Variants in PPARGC1A observed in about 807,000 individuals in gnomAD.
The protein encoded by PPARGC1A is PPARG coactivator 1 alpha, also known as peroxisome proliferator-activated receptor gamma coactivator 1-alpha.
Under a neutral mutation model 88.7 loss-of-function variants are expected in PPARGC1A, and 25 were observed. The observed-to-expected ratio is 0.28, with a 90% CI of 0.21 to 0.39. PPARGC1A has a LOEUF of 0.39. PPARGC1A is among the 10% of genes least tolerant of loss of function. The probability of loss-of-function intolerance (pLI) is 1.00; values close to 1 mark genes in which losing one functional copy is unlikely to be tolerated. For missense variants in PPARGC1A, 880 were observed against 968.7 expected (o/e 0.91, Z 1.22); for synonymous variants, 363 against 355.6 (o/e 1.02, Z -0.24).
chr4:24,198,528 C>T, the PPARGC1A span, among the ~76,000 whole-genome samples: 1 of 152,184 alleles, frequency 6.6e-6, no homozygotes, highest in African/African-American at 2.4e-5. Flanking sequence ...CTCTCTGAGA[C>T]ACCTTTCCTC....
the PPARGC1A span, among the ~76,000 whole-genome samples, chr4:24,141,104 T>C: frequency 6.6e-6 from 1 of 152,290 alleles, no homozygotes; most frequent in South Asian, 2.1e-4. Context: ...TCAGGATCCC[T>C]AGAGCTGTGA....
chr4:24,405,894 C>A, the PPARGC1A span, among the ~76,000 whole-genome samples: 6 of 151,802 alleles, frequency 4.0e-5, no homozygotes, highest in Non-Finnish European at 5.9e-5. Flanking sequence ...TCCTCCTTTC[C>A]TTTCTTCTTT....
At chr4:23,840,618 T>A (rs947787060) in intron 2 of PPARGC1A, among the ~76,000 whole-genome samples, 1 of 152,130 alleles carries the variant, frequency 6.6e-6, no homozygotes, top group Non-Finnish European at 1.5e-5. Flanking sequence ...ACATATGTTT[T>A]AGTGATTTAT....
chr4:24,387,832 G>GAGAGAA, the PPARGC1A span, among the ~76,000 whole-genome samples: 1 of 100,450 alleles, frequency 1.0e-5, no homozygotes, highest in Non-Finnish European at 2.4e-5. Flanking sequence ...AAGAGAGAAA[G>GAGAGAA]AGAGAAAGAG....
At chr4:24,423,874 T>G in the PPARGC1A span, among the ~76,000 whole-genome samples, 31 of 152,304 alleles carry the variant, frequency 2.0e-4, no homozygotes, top group East Asian at 5.6e-3. Context: ...GACTGTGACC[T>G]TGGCTCAACT....
chr4:23,909,606 A>G, the PPARGC1A span, among the ~76,000 whole-genome samples: 1 of 151,878 alleles, frequency 6.6e-6, no homozygotes, highest in Non-Finnish European at 1.5e-5. Context: ...GACAGGCAGA[A>G]GGAGGAGGGA....
At chr4:23,857,360 C>CGT (rs1255210454) in intron 2 of PPARGC1A, among the ~76,000 whole-genome samples, 7 of 104,854 alleles carry the variant, frequency 6.7e-5, no homozygotes, top group East Asian at 3.1e-4. Context: ...TTAGTATGTG[C>CGT]GTGTGTGTGT....
chr4:23,799,472 G>A (rs1342110144), intron 12 of PPARGC1A, among the ~76,000 whole-genome samples: 1 of 152,166 alleles, frequency 6.6e-6, no homozygotes, highest in Non-Finnish European at 1.5e-5. Flanking sequence ...TTGCCCAACG[G>A]CAGTGGTAAG....
At chr4:24,074,889 T>G in the PPARGC1A span, among the ~76,000 whole-genome samples, 4 of 152,164 alleles carry the variant, frequency 2.6e-5, no homozygotes, top group African/African-American at 9.7e-5. Context: ...ACACCTGCTC[T>G]AAGTGGCAGA....
intron 2 of PPARGC1A, among the ~76,000 whole-genome samples, chr4:23,875,482 G>A (rs182459728): frequency 2.0e-5 from 3 of 151,326 alleles, no homozygotes; most frequent in African/African-American, 7.3e-5. Context: ...AGGTGTTGTC[G>A]GTCTGTCTAG....
intron 2 of PPARGC1A, among the ~76,000 whole-genome samples, chr4:23,847,131 T>C (rs998841837): frequency 1.3e-5 from 2 of 152,186 alleles, no homozygotes; most frequent in Non-Finnish European, 2.9e-5. Flanking sequence ...GGTGAGATTC[T>C]AATAGAAGCC....
At chr4:24,185,814 A>T in the PPARGC1A span, among the ~76,000 whole-genome samples, 2,157 of 120,570 alleles carry the variant, frequency 0.018, 25 homozygotes, top group Middle Eastern at 0.029. Context: ...CAGTCCCCAG[A>T]GTGTGATATT....
At chr4:23,846,670 T>C (rs1251337655) in intron 2 of PPARGC1A, among the ~76,000 whole-genome samples, 2 of 152,150 alleles carry the variant, frequency 1.3e-5, no homozygotes. Context: ...GCACCTAGCA[T>C]GTGTCGGACA....
intron 2 of PPARGC1A, among the ~76,000 whole-genome samples, chr4:23,855,612 G>T (rs10002590): frequency 6.6e-6 from 1 of 152,000 alleles, no homozygotes; most frequent in East Asian, 1.9e-4. Context: ...AATAAGCACC[G>T]ACTATATTTC....
At chr4:24,403,193 C>T in the PPARGC1A span, among the ~76,000 whole-genome samples, 1 of 152,156 alleles carries the variant, frequency 6.6e-6, no homozygotes, top group Non-Finnish European at 1.5e-5. Context: ...GGACACAATG[C>T]CACTCTCCCA....
the PPARGC1A span, among the ~76,000 whole-genome samples, chr4:24,252,656 A>G: frequency 2.0e-5 from 3 of 152,168 alleles, no homozygotes; most frequent in African/African-American, 7.2e-5. Context: ...TGGATTTCCA[A>G]TGCTCTTCTC....
the PPARGC1A span, among the ~76,000 whole-genome samples, chr4:24,032,415 C>G: frequency 2.0e-5 from 3 of 152,148 alleles, no homozygotes; most frequent in Non-Finnish European, 2.9e-5. Context: ...GTTCATAGAG[C>G]TCACCCAGCT....
chr4:24,135,445 T>A, the PPARGC1A span, among the ~76,000 whole-genome samples: 3 of 152,114 alleles, frequency 2.0e-5, no homozygotes, highest in African/African-American at 7.2e-5. Flanking sequence ...GGCAGGCCCC[T>A]GAGGTTCCCT....
At chr4:23,895,479 G>A (rs10938972) in intron 1 of PPARGC1A, among the ~76,000 whole-genome samples, 26,282 of 151,496 alleles carry the variant, frequency 0.17, 2,560 homozygotes, top group East Asian at 0.37. Context: ...CAAACATGTC[G>A]GAGAGGTAGA....
Sources: gnomAD v4.1 joint callset for allele counts (sites outside exome capture counted in the v4.1 genomes callset) on GRCh38, gnomAD v4.1.1 for gene constraint, MANE v1.5 for transcripts, NCBI Gene and HGNC (gene_info 2026-07-23, HGNC 2026-07-21) for gene names.